KDM5A: variants seen among roughly 807,000 people sequenced by gnomAD.
The protein encoded by KDM5A is lysine-specific demethylase 5A.
KDM5A carries 42 observed loss-of-function variants against 193.5 expected under a neutral mutation model. The ratio of observed to expected loss-of-function variants is 0.22; its 90% CI spans 0.17 to 0.28. KDM5A has a LOEUF of 0.28. KDM5A is among the 10% of genes least tolerant of loss of function. The pLI is 1.00. For missense variants in KDM5A, 1,692 were observed against 2,055.1 expected (o/e 0.82, Z 3.42); for synonymous variants, 796 against 718.1 (o/e 1.11, Z -1.73).
intron 3 of KDM5A, among the ~76,000 whole-genome samples, chr12:374,152 C>T (rs915474892): frequency 3.3e-5 from 5 of 152,082 alleles, no homozygotes; most frequent in Non-Finnish European, 7.3e-5. Flanking sequence ...CTTTCTGTCT[C>T]GTTGATCTGT....
rs2137508503 is a variant in KDM5A, at chr12:389,086, C to G, written c.6G>C (p.Ala2=). 3 of 1,602,996 alleles carry G rather than the reference C, an allele frequency of 1.9e-6. No homozygotes were observed. Among genetic ancestry groups the G allele is most frequent in the Non-Finnish European group, 2.5e-6 (3 of 1,177,606 alleles). Residue 2 remains alanine, a synonymous_variant, in exon 1 of 28, where the codon GCG becomes GCC. Transcript: ENST00000399788. M[A]GVGPGGYAAE... ...CCGCGTAGCCCCCCGGCCCCACGCCCGCCATTGCAACGGCCGGGGGGGGGG... is the reference window on the plus strand; with the variant it reads ...CCGCGTAGCCCCCCGGCCCCACGCCGGCCATTGCAACGGCCGGGGGGGGGG...
intron 3 of KDM5A, among the ~76,000 whole-genome samples, chr12:383,417 A>AG (rs1944599818): frequency 6.6e-6 from 1 of 151,948 alleles, no homozygotes; most frequent in East Asian, 1.9e-4. Flanking sequence ...GGGTTTCACC[A>AG]TGTTGCCTGG....
intron 3 of KDM5A, among the ~76,000 whole-genome samples, chr12:381,627 T>C (rs1158612785): frequency 6.6e-6 from 1 of 152,180 alleles, no homozygotes; most frequent in East Asian, 1.9e-4. Context: ...CCATAGGTTT[T>C]CATATAACTA....
At chr12:383,414 A>AGTAGC (rs1944599779) in intron 3 of KDM5A, among the ~76,000 whole-genome samples, 1 of 151,898 alleles carries the variant, frequency 6.6e-6, no homozygotes, top group East Asian at 1.9e-4. Flanking sequence ...ATAGGGTTTC[A>AGTAGC]CCATGTTGCC....
At chr12:312,036 A>C (rs1943593979) in intron 20 of KDM5A, among the ~76,000 whole-genome samples, 1 of 152,232 alleles carries the variant, frequency 6.6e-6, no homozygotes, top group African/African-American at 2.4e-5. Flanking sequence ...TCTGTCTCAA[A>C]AAAAAAGAAC....
At chr12:388,898 TCC>T in intron 1 of KDM5A, 27 bp downstream of exon 1, 2 of 1,612,418 alleles carry the variant, frequency 1.2e-6, no homozygotes, top group Non-Finnish European at 1.7e-6. Flanking sequence ...TTCTTCCTTC[TCC>T]CCCTCTCTCT....
rs181898650 is a variant in KDM5A, at chr12:320,225, G to A, written c.2541+770C>T. Among the ~76,000 whole-genome samples the A allele has an allele frequency of 1.9e-4, 29 of 152,252 alleles. No individual in the cohort carries two copies. The East Asian group carries it at 3.3e-3, about 17-fold the overall frequency. On this transcript the variant is annotated intron_variant, in intron 18 of 27. Coordinates refer to ENST00000399788, the MANE Select transcript of KDM5A (RefSeq NM_001042603.3). ...ATAAAAACTATTTTAGGCCGGGTGC[G>A]GTGGCTCATGCCTGTAATCCCAGCA...
chr12:338,248 T>C (rs1943958770), intron 10 of KDM5A, among the ~76,000 whole-genome samples: 1 of 152,186 alleles, frequency 6.6e-6, no homozygotes, highest in Non-Finnish European at 1.5e-5. Context: ...CCCCAGACTA[T>C]TTGTACAATG....
intron 1 of KDM5A, 32 bp from the exon 2 acceptor site, chr12:386,006 G>A (rs1334683833): frequency 6.5e-7 from 1 of 1,541,170 alleles, no homozygotes; most frequent in South Asian, 1.1e-5. Context: ...AAAAAACACA[G>A]TGGTATGTAA....
At chr12:380,999 T>A (rs1944566531) in intron 3 of KDM5A, among the ~76,000 whole-genome samples, 1 of 13,138 alleles carries the variant, frequency 7.6e-5, no homozygotes, top group South Asian at 1.4e-3. Flanking sequence ...TTTATTTTAT[T>A]TTTTTTTTTT....
At chr12:336,678 T>C (rs1943937536) in intron 10 of KDM5A, among the ~76,000 whole-genome samples, 1 of 151,532 alleles carries the variant, frequency 6.6e-6, no homozygotes, top group South Asian at 2.1e-4. Context: ...CCATCACTAG[T>C]AAAAATACAA....
chr12:332,809 T>C (rs1565536747), intron 12 of KDM5A, among the ~76,000 whole-genome samples: 1 of 152,182 alleles, frequency 6.6e-6, no homozygotes, highest in Non-Finnish European at 1.5e-5. Flanking sequence ...TGATTAGTTA[T>C]TAGGATAAGC....
At chr12:295,332 AAGAGAAAGAG>A (rs1306420187) in intron 26 of KDM5A, among the ~76,000 whole-genome samples, 3 of 151,942 alleles carry the variant, frequency 2.0e-5, no homozygotes, top group South Asian at 2.1e-4. Context: ...GAAAAAGAAA[AAGAGAAAGAG>A]AGAGAAAGAA....
chr12:292,725 C>T (rs1271197936), intron 27 of KDM5A, 34 bp downstream of exon 27: 2 of 1,614,046 alleles, frequency 1.2e-6, no homozygotes, highest in Non-Finnish European at 1.7e-6. Flanking sequence ...GCTCCTTGAC[C>T]TCTCATGCTT....
At chr12:315,704 A>T (rs933542797) in intron 19 of KDM5A, among the ~76,000 whole-genome samples, 27 of 152,200 alleles carry the variant, frequency 1.8e-4, no homozygotes, top group Non-Finnish European at 3.5e-4. Flanking sequence ...GTTTGAGGAT[A>T]AAGAAGAAGG....
intron 2 of KDM5A, 120 bp from the exon 3 acceptor site, chr12:384,273 A>G: frequency 1.3e-6 from 1 of 772,024 alleles, no homozygotes; most frequent in South Asian, 1.4e-5. Context: ...TTAGGAACCC[A>G]GCCACACAGC....
intron 21 of KDM5A, among the ~76,000 whole-genome samples, chr12:310,194 G>A (rs1032812754): frequency 1.3e-5 from 2 of 152,118 alleles, no homozygotes; most frequent in Non-Finnish European, 2.9e-5. Flanking sequence ...ACTTGCCCAA[G>A]GACACAGGGT....
At chr12:373,453 T>C (rs1344974233) in intron 3 of KDM5A, among the ~76,000 whole-genome samples, 1 of 152,230 alleles carries the variant, frequency 6.6e-6, no homozygotes, top group Non-Finnish European at 1.5e-5. Flanking sequence ...TCATTTTTTA[T>C]TGCGTCTATT....
chr12:295,263 G>GAAAAA (rs1943353977), intron 26 of KDM5A, among the ~76,000 whole-genome samples: 4 of 102,486 alleles, frequency 3.9e-5, no homozygotes, highest in Admixed American at 1.0e-4. Flanking sequence ...AAGGAGAAAG[G>GAAAAA]GGAAGGAAAA....
Sources: allele counts gnomAD v4.1 joint callset (sites outside exome capture counted in the v4.1 genomes callset), GRCh38; gene constraint gnomAD v4.1.1; transcripts MANE v1.5; gene names NCBI Gene and HGNC (gene_info 2026-07-23, HGNC 2026-07-21).